SNX31: variants seen among roughly 807,000 people sequenced by gnomAD.
The protein encoded by SNX31 is sorting nexin-31.
In SNX31, 58 loss-of-function variants were observed where a neutral mutation model predicts 65.4. The observed-to-expected ratio is 0.89, with a 90% confidence interval of 0.72 to 1.10. The LOEUF is 1.10. Ranked by LOEUF, SNX31 falls within the 50% of genes least tolerant of loss-of-function variation. The pLI is 0.00. For synonymous variants in SNX31, 181 were observed against 190.1 expected, an observed-to-expected ratio of 0.95 and a Z score of 0.39; for missense variants, 523 against 529.7, an observed-to-expected ratio of 0.99 and a Z score of 0.12.
At chr8:100,606,301 C>T (rs1816151631) in intron 8 of SNX31, among the ~76,000 whole-genome samples, 1 of 152,174 alleles carries the variant, frequency 6.6e-6, no homozygotes, top group African/African-American at 2.4e-5. Context: ...TCTCAAAGTG[C>T]TGGGATTACA....
chr8:100,657,466 GAAAAAAGA>G (rs1820070238), intron 1 of SNX31, among the ~76,000 whole-genome samples: 4 of 145,714 alleles, frequency 2.7e-5, no homozygotes, highest in African/African-American at 1.0e-4. Flanking sequence ...AAAAAAAAAA[GAAAAAAGA>G]AAAAAAGAAA....
intron 9 of SNX31, 70 bp downstream of exon 9, chr8:100,600,279 A>G (rs1249710380): frequency 7.5e-7 from 1 of 1,334,968 alleles, no homozygotes; most frequent in African/African-American, 1.5e-5. Flanking sequence ...AGTTACAGAA[A>G]CAGTTCAATT....
chr8:100,589,250 G>A (rs569795096), intron 10 of SNX31, among the ~76,000 whole-genome samples: 2 of 145,884 alleles, frequency 1.4e-5, no homozygotes, highest in South Asian at 2.1e-4. Context: ...GCAGTGAGCC[G>A]AGATCATGCC....
intron 11 of SNX31, among the ~76,000 whole-genome samples, chr8:100,586,665 T>C (rs189280472): frequency 2.0e-4 from 30 of 152,330 alleles, no homozygotes; most frequent in African/African-American, 7.2e-4. Context: ...AAGGTGGACC[T>C]AAGGACCCAC....
upstream of SNX31, among the ~76,000 whole-genome samples, chr8:100,650,692 G>C (rs1199021449): frequency 6.6e-6 from 1 of 152,150 alleles, no homozygotes; most frequent in Non-Finnish European, 1.5e-5. Context: ...GCCATTGACA[G>C]TTCTGGTCTT....
chr8:100,584,514 G>A (rs1010531117), intron 11 of SNX31, among the ~76,000 whole-genome samples: 6 of 151,876 alleles, frequency 4.0e-5, no homozygotes, highest in African/African-American at 7.3e-5. Flanking sequence ...AATGTTTTAT[G>A]AGCAATAAAC....
intron 12 of SNX31, among the ~76,000 whole-genome samples, chr8:100,583,691 A>G (rs1813764449): frequency 6.6e-6 from 1 of 152,206 alleles, no homozygotes; most frequent in South Asian, 2.1e-4. Flanking sequence ...GCACAATGGA[A>G]GTATCAAGAA....
chr8:100,659,517 C>T (rs1185315937), intron 1 of SNX31, among the ~76,000 whole-genome samples: 8 of 152,122 alleles, frequency 5.3e-5, no homozygotes, highest in Admixed American at 5.2e-4. Context: ...TTTTTGCTTG[C>T]TTACAGATGG....
chr8:100,615,995 C>T (rs577594868), intron 5 of SNX31, among the ~76,000 whole-genome samples: 2 of 152,180 alleles, frequency 1.3e-5, no homozygotes, highest in East Asian at 1.9e-4. Context: ...AGAATGGTCT[C>T]GATCTCCTGA....
In SNX31 at chr8:100,617,721, C is replaced by G. The variant is rs866560966; in HGVS notation, c.331G>C (p.Asp111His). ...FLKLAQLNTF[D>H]IATKKAYLDI... Reference sequence around the variant, plus strand: ...AGATAAGCTTTCTTGGTGGCGATGTCAAATGTATTCTATAAGCAAAAGAAA... The same window carrying G: ...AGATAAGCTTTCTTGGTGGCGATGTGAAATGTATTCTATAAGCAAAAGAAA... Residue 111 changes from aspartate (D) to histidine (H), a missense_variant, in exon 5 of 14, where the codon GAC becomes CAC. Physicochemically the swap from Asp to His is moderately conservative, Grantham distance 81. Transcript: ENST00000311812. 1 of 1,605,208 alleles carries G rather than the reference C, an allele frequency of 6.2e-7. No homozygotes were observed. The highest frequency in any genetic ancestry group is 2.2e-5 in the East Asian group (1 of 44,818).
chr8:100,576,989 T>C lies in SNX31; in HGVS notation c.1227+30A>G, dbSNP rs1586826959. On this transcript the variant is annotated intron_variant, in intron 13 of 13. Coordinates refer to ENST00000311812, the MANE Select transcript of SNX31 (RefSeq NM_152628.4). This position sits in a 1 kb window ranked among gnomAD's most constrained non-coding sequence, Gnocchi z 4.8. The stretch of plus-strand genomic sequence containing the variant: ...AAGATCAGATTTATCAAAATTATAA[T>C]GTACCAATTACATAATTTTACTCAC... The C allele has an allele frequency of 2.6e-6, 4 of 1,546,872 alleles. No individual in the cohort carries two copies. The highest frequency in any genetic ancestry group is 1.1e-5 in the South Asian group (1 of 87,516).
rs1283455105 is a variant in SNX31 at position 100,596,794 on chromosome 8, C to T, written c.823G>A (p.Asp275Asn). 6.2e-7 allele frequency: 1 copy of T among 1,613,892 alleles called. No individual in the cohort carries two copies. The highest frequency in any genetic ancestry group is 1.1e-5 in the South Asian group (1 of 91,072). ...TCTGGGTAGTCACAGGTACAAGGATCCAGCTGCAGGTATCCATAGTGCCGT... is the reference window on the plus strand; with the variant it reads ...TCTGGGTAGTCACAGGTACAAGGATTCAGCTGCAGGTATCCATAGTGCCGT... ...EVRHYGYLQL[D>N]PCTCDYPESG... Residue 275 changes from aspartate to asparagine, a missense_variant, in exon 10 of 14, where the codon GAT becomes AAT. By Grantham distance (23) the Asp-to-Asn change is conservative. Coordinates refer to ENST00000311812, the MANE Select transcript of SNX31 (RefSeq NM_152628.4).
chr8:100,581,311 T>TTTTA (rs1554570414), intron 12 of SNX31, among the ~76,000 whole-genome samples: 7 of 122,718 alleles, frequency 5.7e-5, no homozygotes, highest in African/African-American at 3.3e-4. Context: ...AAAAAATTTT[T>TTTTA]TATATATCTA....
chr8:100,651,724 A>G (rs1483294017), upstream of SNX31, among the ~76,000 whole-genome samples: 2 of 152,256 alleles, frequency 1.3e-5, no homozygotes, highest in Admixed American at 6.5e-5. Context: ...TGCTCTGAAC[A>G]CTTTACATGA....
In SNX31 at chr8:100,626,868, C is replaced by T. The variant is rs1258841864; in HGVS notation, c.321+3459G>A. Among the ~76,000 whole-genome samples the T allele has an allele frequency of 6.6e-6, 1 of 151,972 alleles. No homozygotes were observed. Reference sequence around the variant, plus strand: ...GATAACAAAAGGATATAAAAGTGAGCTGGTAAAGTTCACGGAAGAAATGGA... The same window carrying T: ...GATAACAAAAGGATATAAAAGTGAGTTGGTAAAGTTCACGGAAGAAATGGA... On this transcript the variant is annotated intron_variant, in intron 4 of 13. Transcript: ENST00000311812. This position sits in a 1 kb window ranked among gnomAD's most constrained non-coding sequence, Gnocchi z 4.4.
At chr8:100,583,437 A>AT (rs1049406038) in intron 12 of SNX31, among the ~76,000 whole-genome samples, 4 of 152,172 alleles carry the variant, frequency 2.6e-5, no homozygotes, top group Non-Finnish European at 5.9e-5. Context: ...ATTTAAAAAA[A>AT]AAATTGTACT....
At chr8:100,658,088 C>G (rs1204559688) in intron 1 of SNX31, among the ~76,000 whole-genome samples, 1 of 152,138 alleles carries the variant, frequency 6.6e-6, no homozygotes, top group Non-Finnish European at 1.5e-5. Context: ...GTCCCACCTT[C>G]AGGGATCCTG....
rs1813271852 is a variant in SNX31 at position 100,578,885 on chromosome 8, C to G, written c.1171-1810G>C. ...TACAGGTACGCGCCACCATGCCCATCTAATTTTTGTATTTTTGGTAGAGAT... is the reference window on the plus strand; with the variant it reads ...TACAGGTACGCGCCACCATGCCCATGTAATTTTTGTATTTTTGGTAGAGAT... On this transcript the variant is annotated intron_variant, in intron 12 of 13. Transcript: ENST00000311812. The surrounding 1 kb of genome is among the most constrained non-coding windows in gnomAD (Gnocchi z 4.7). Among the ~76,000 whole-genome samples, 1 of 151,986 alleles carries G rather than the reference C, an allele frequency of 6.6e-6. No homozygotes were observed. Among genetic ancestry groups the G allele is most frequent in the Non-Finnish European group, 1.5e-5 (1 of 67,996 alleles).
In SNX31 at chr8:100,635,942, T is replaced by C. The variant is rs764558521; in HGVS notation, c.211A>G (p.Met71Val). 3 of 1,614,172 alleles carry C rather than the reference T, an allele frequency of 1.9e-6. No homozygotes were observed. Among genetic ancestry groups the C allele is most frequent in the Non-Finnish European group, 1.7e-6 (2 of 1,180,014 alleles). Reference sequence around the variant, plus strand: ...AGTTGGTCCCTCCTCTCATCAGCCATAGCTGTGGTCATTGCCAGATAGTAC... The same window carrying C: ...AGTTGGTCCCTCCTCTCATCAGCCACAGCTGTGGTCATTGCCAGATAGTAC... ...PKYYLAMTTA[M>V]ADERRDQLEQ... is the part of the protein sequence containing the mutation. The change falls in exon 3 of 14, where the codon ATG becomes GTG. Residue 71 changes from methionine to valine, a missense_variant. Physicochemically the swap from Met to Val is conservative, Grantham distance 21. Transcript: ENST00000311812.
Sources: allele counts gnomAD v4.1 joint callset (sites outside exome capture counted in the v4.1 genomes callset), GRCh38; gene constraint gnomAD v4.1.1; non-coding constraint Gnocchi (gnomAD v3.1); transcripts MANE v1.5; gene names NCBI Gene and HGNC (gene_info 2026-07-23, HGNC 2026-07-21).